KCND3: variants seen among roughly 807,000 people sequenced by gnomAD.
KCND3 encodes the protein potassium voltage-gated channel subfamily D member 3.
Under a neutral mutation model 51.1 loss-of-function variants are expected in KCND3, and 9 were observed. The ratio of observed to expected loss-of-function variants is 0.18; its 90% CI spans 0.11 to 0.31. The LOEUF (loss-of-function observed/expected upper bound fraction) is 0.31. Ranked by LOEUF, KCND3 falls within the 10% of genes least tolerant of loss-of-function variation. The pLI, the probability that KCND3 is intolerant of heterozygous loss-of-function variation, is 1.00. For synonymous variants in KCND3, 349 were observed against 368.0 expected (o/e 0.95, Z 0.59); for missense variants, 526 against 903.8 (o/e 0.58, Z 5.36).
chr1:111,883,929 T>G (rs1177449667), intron 2 of KCND3, among the ~76,000 whole-genome samples: 3 of 152,218 alleles, frequency 2.0e-5, no homozygotes, highest in Non-Finnish European at 2.9e-5. Flanking sequence ...GAGAAACTGA[T>G]TCTTTGAGGC....
chr1:111,932,160 C>G (rs1672005610), intron 2 of KCND3, among the ~76,000 whole-genome samples: 1 of 152,216 alleles, frequency 6.6e-6, no homozygotes, highest in Admixed American at 6.5e-5. Flanking sequence ...CTGGGCCCAC[C>G]TGGATAACCC....
At chr1:111,901,281 T>G (rs1481703429) in intron 2 of KCND3, among the ~76,000 whole-genome samples, 2 of 152,228 alleles carry the variant, frequency 1.3e-5, no homozygotes. Context: ...AAGTTTATAT[T>G]GAGCCCATCT....
chr1:111,908,013 CTAAG>C (rs1349772864), intron 2 of KCND3, among the ~76,000 whole-genome samples: 1 of 152,172 alleles, frequency 6.6e-6, no homozygotes, highest in East Asian at 1.9e-4. Context: ...CTCCTAGGGA[CTAAG>C]GACTATTCCC....
intron 2 of KCND3, among the ~76,000 whole-genome samples, chr1:111,834,611 A>G (rs577425252): frequency 6.6e-6 from 1 of 152,226 alleles, no homozygotes; most frequent in Non-Finnish European, 1.5e-5. Flanking sequence ...CCAGGCTTTG[A>G]ACTTTTGCAA....
chr1:111,936,194 G>A (rs1419494515), intron 2 of KCND3, among the ~76,000 whole-genome samples: 5 of 152,184 alleles, frequency 3.3e-5, no homozygotes, highest in South Asian at 2.1e-4. Context: ...GGCTGTGTCC[G>A]TGGGGAGCTT....
chr1:111,935,425 G>GGA (rs1410820964), intron 2 of KCND3, among the ~76,000 whole-genome samples: 5 of 152,180 alleles, frequency 3.3e-5, no homozygotes, highest in Non-Finnish European at 7.4e-5. Flanking sequence ...TCATTTACAT[G>GGA]GAGAGAGAGC....
chr1:111,786,895 TCCCCCGCATCCTTTACACTG>T (rs1429616034), intron 3 of KCND3, 29 bp downstream of exon 3: 1 of 1,609,360 alleles, frequency 6.2e-7, no homozygotes, highest in African/African-American at 1.3e-5. Context: ...TGACTGGTGC[TCCCCCGCATCCTTTACACTG>T]CCCCCGCTTC....
At chr1:111,811,857 G>C (rs1403674743) in intron 2 of KCND3, among the ~76,000 whole-genome samples, 2 of 152,212 alleles carry the variant, frequency 1.3e-5, no homozygotes, top group Non-Finnish European at 2.9e-5. Flanking sequence ...GGGGCCTGGA[G>C]AATTTAGGCT....
intron 2 of KCND3, among the ~76,000 whole-genome samples, chr1:111,890,331 G>A (rs1270789456): frequency 1.3e-5 from 2 of 152,152 alleles, no homozygotes; most frequent in Non-Finnish European, 2.9e-5. Flanking sequence ...TTGAGAGGTT[G>A]GATATGGGCG....
Position 111,982,097 on chromosome 1 carries a change from G to A in KCND3, c.630C>T (p.Val210=), listed in dbSNP as rs1176393282. ...NVVETVPCGT[V]PGSKELPCGE... is the part of the protein sequence containing the mutation. ...CGCACGGCAGCTCCTTGCTGCCCGG[G>A]ACCGTGCCGCACGGCACCGTCTCCA... is the stretch of plus-strand genomic sequence containing the variant. Residue 210 remains valine, a synonymous_variant, in exon 2 of 8, where the codon GTC becomes GTT. Coordinates refer to ENST00000302127, the MANE Select transcript of KCND3 (RefSeq NM_001378969.1). This position sits in a 1 kb window ranked among gnomAD's most constrained non-coding sequence, Gnocchi z 8.5. 3 of 1,613,802 alleles carry A rather than the reference G, an allele frequency of 1.9e-6. No homozygotes were observed. The Admixed American group carries it at 5.0e-5, about 27-fold the overall frequency.
chr1:111,911,484 C>T (rs1190335774), intron 2 of KCND3, among the ~76,000 whole-genome samples: 2 of 152,164 alleles, frequency 1.3e-5, no homozygotes, highest in Admixed American at 6.5e-5. Context: ...AGCTGAGTAC[C>T]TTCAAATTGG....
intron 2 of KCND3, among the ~76,000 whole-genome samples, chr1:111,907,326 G>A (rs1219177987): frequency 6.6e-6 from 1 of 152,230 alleles, no homozygotes; most frequent in Admixed American, 6.5e-5. Flanking sequence ...CACATCTTGT[G>A]TGTTGCCCTT....
At chr1:111,846,474 T>G (rs1265755439) in intron 2 of KCND3, among the ~76,000 whole-genome samples, 1 of 151,844 alleles carries the variant, frequency 6.6e-6, no homozygotes, top group Non-Finnish European at 1.5e-5. Flanking sequence ...TGGCAGCCAA[T>G]GTTACCTGGG....
At chr1:111,958,068 T>C (rs1443502198) in intron 2 of KCND3, among the ~76,000 whole-genome samples, 1 of 152,074 alleles carries the variant, frequency 6.6e-6, no homozygotes, top group Non-Finnish European at 1.5e-5. Context: ...CCAGGAGACA[T>C]GGATAATGAC....
At chr1:111,958,416 G>T (rs2101923650) in intron 2 of KCND3, among the ~76,000 whole-genome samples, 1 of 152,290 alleles carries the variant, frequency 6.6e-6, no homozygotes. Flanking sequence ...AGTAGGAAAA[G>T]TTGGTCACTG....
chr1:111,965,229 C>T (rs1451732303), intron 2 of KCND3, among the ~76,000 whole-genome samples: 2 of 151,928 alleles, frequency 1.3e-5, no homozygotes, highest in Non-Finnish European at 2.9e-5. Context: ...GGGTCAGAGG[C>T]TCATCTAAGG....
chr1:111,980,298 T>C (rs1375245036), intron 2 of KCND3, among the ~76,000 whole-genome samples: 1 of 151,210 alleles, frequency 6.6e-6, no homozygotes, highest in Non-Finnish European at 1.5e-5. Context: ...GTAAAGGGAA[T>C]GCCCCAATCA....
chr1:111,871,634 T>C (rs1209643826), intron 2 of KCND3, among the ~76,000 whole-genome samples: 3 of 151,808 alleles, frequency 2.0e-5, no homozygotes, highest in Non-Finnish European at 4.4e-5. Flanking sequence ...AGGAGAGAAG[T>C]TAGGGATAGG....
At chr1:111,892,630 T>C (rs1377977025) in intron 2 of KCND3, among the ~76,000 whole-genome samples, 1 of 152,198 alleles carries the variant, frequency 6.6e-6, no homozygotes, top group Non-Finnish European at 1.5e-5. Context: ...AATAAATAAA[T>C]GAACACATAC....
Sources: allele counts gnomAD v4.1 joint callset (sites outside exome capture counted in the v4.1 genomes callset), GRCh38; gene constraint gnomAD v4.1.1; non-coding constraint Gnocchi (gnomAD v3.1); transcripts MANE v1.5; gene names NCBI Gene and HGNC (gene_info 2026-07-23, HGNC 2026-07-21).